HACE1: variants seen among roughly 807,000 people sequenced by gnomAD.
HACE1 encodes HECT domain and ankyrin repeat containing E3 ubiquitin protein ligase 1.
A neutral mutation model predicts 118.4 loss-of-function variants in HACE1; 73 were observed. The observed-to-expected ratio is 0.62, with a 90% CI of 0.51 to 0.75. HACE1 has a LOEUF of 0.75. Ranked by LOEUF, HACE1 falls within the 30% of genes least tolerant of loss-of-function variation. HACE1 has a pLI of 0.00. For synonymous variants in HACE1, 368 were observed against 374.8 expected (o/e 0.98, Z 0.21); for missense variants, 749 against 1,102.2 (o/e 0.68, Z 4.54).
chr6:104,839,435 A>G (rs879153784), intron 5 of HACE1, among the ~76,000 whole-genome samples: 1 of 152,228 alleles, frequency 6.6e-6, no homozygotes, highest in Admixed American at 6.5e-5. Context: ...GGTTCCATAC[A>G]ATATAGTTCT....
rs1369685298 is a variant in HACE1, at chr6:104,852,236, T to TGTGTGTGC, written c.131+80_131+81insGCACACAC. 1.2e-5 allele frequency: 8 copies of TGTGTGTGC among 673,350 alleles called. No homozygotes were observed. The African/African-American group carries it at 1.5e-4, about 13-fold the overall frequency. 41.7% of individuals were successfully genotyped at this position (673,350 alleles called of 1,614,324 possible). On this transcript the variant is annotated intron_variant, in intron 2 of 23. Transcript: ENST00000262903. The stretch of plus-strand genomic sequence containing the variant: ...GTGTGTGTGTGTGTGTGTGCGCGCG[T>TGTGTGTGC]GCGCGTGCACGGGCATGCAGTACAC...
At chr6:104,808,615 A>G (rs543783012) in intron 7 of HACE1, among the ~76,000 whole-genome samples, 3 of 148,524 alleles carry the variant, frequency 2.0e-5, no homozygotes, top group East Asian at 1.9e-4. Context: ...ATGATATAAT[A>G]TATTATATCT....
chr6:104,768,465 T>A (rs1349007107), intron 19 of HACE1, among the ~76,000 whole-genome samples: 3 of 152,146 alleles, frequency 2.0e-5, no homozygotes, highest in African/African-American at 7.2e-5. Flanking sequence ...ATCTTAACAA[T>A]TTTAAGCAAG....
chr6:104,739,613 C>A (rs1157925786), intron 22 of HACE1, among the ~76,000 whole-genome samples: 1 of 151,962 alleles, frequency 6.6e-6, no homozygotes. Context: ...ACAAGAAGAG[C>A]TAACTATCCT....
In HACE1 at chr6:104,830,739, C is replaced by A. The variant is rs184570290; in HGVS notation, c.534+2303G>T. On this transcript the variant is annotated intron_variant, in intron 6 of 23. Transcript: ENST00000262903. ...GTTTTGTTGTTGTTATTATGGTCAG[C>A]AAGAAAATAAATTACATTCTTTTTT... 5.1e-4 allele frequency among the ~76,000 whole-genome samples: 74 copies of A among 146,126 alleles called. 1 individual carries two copies. The highest frequency in any genetic ancestry group is 4.9e-3 in the Admixed American group (71 of 14,486).
At chr6:104,733,195 G>C (rs1332725075) in intron 22 of HACE1, among the ~76,000 whole-genome samples, 1 of 152,116 alleles carries the variant, frequency 6.6e-6, no homozygotes, top group East Asian at 1.9e-4. Flanking sequence ...TGTTGACATT[G>C]ATTTTTATAC....
At chr6:104,733,867 A>C (rs1159601946) in intron 22 of HACE1, among the ~76,000 whole-genome samples, 1 of 151,202 alleles carries the variant, frequency 6.6e-6, no homozygotes, top group Non-Finnish European at 1.5e-5. Flanking sequence ...AAAAAAAAGA[A>C]ATCAGCCGGA....
chr6:104,857,782 C>T (rs1177815263), intron 1 of HACE1, among the ~76,000 whole-genome samples: 1 of 151,822 alleles, frequency 6.6e-6, no homozygotes, highest in Non-Finnish European at 1.5e-5. Context: ...ACGGTGAAAC[C>T]CCGTCTCTAC....
intron 19 of HACE1, 26 bp downstream of exon 19, chr6:104,771,167 G>A (rs752662838): frequency 2.6e-6 from 4 of 1,533,378 alleles, no homozygotes; most frequent in Non-Finnish European, 3.6e-6. Flanking sequence ...ACAAACAATG[G>A]TTAAGGTAAA....
rs1368392410 is a variant in HACE1, at chr6:104,789,771, C to T, written c.1074+1733G>A. 3.3e-5 allele frequency among the ~76,000 whole-genome samples: 5 copies of T among 152,044 alleles called. No homozygotes were observed. The East Asian group carries it at 9.6e-4, about 29-fold the overall frequency. ...TCTATACCTGATTTGATTTTATATT[C>T]ATCATTACTGATGAGTAGAAAGTAT... On this transcript the variant is annotated intron_variant, in intron 11 of 23. Coordinates refer to ENST00000262903, the MANE Select transcript of HACE1 (RefSeq NM_020771.4).
intron 7 of HACE1, among the ~76,000 whole-genome samples, chr6:104,805,820 G>A (rs1187589042): frequency 2.6e-5 from 4 of 151,840 alleles, no homozygotes; most frequent in Admixed American, 6.6e-5. Flanking sequence ...AAACCCGCAC[G>A]TTGTGCACAT....
intron 19 of HACE1, among the ~76,000 whole-genome samples, chr6:104,751,867 ACT>A (rs1342779711): frequency 6.7e-6 from 1 of 149,408 alleles, no homozygotes; most frequent in African/African-American, 2.5e-5. Flanking sequence ...CAGGGAAGAA[ACT>A]CTGTTTTAGC....
At chr6:104,858,463 G>A in intron 1 of HACE1, 2 of 388,098 alleles carry the variant, frequency 5.2e-6, no homozygotes, top group Non-Finnish European at 1.0e-5. Flanking sequence ...CACTTTGGGG[G>A]GAGCAGGGTG....
chr6:104,813,575 T>C (rs1420159135), intron 6 of HACE1, among the ~76,000 whole-genome samples: 2 of 137,158 alleles, frequency 1.5e-5, no homozygotes, highest in Admixed American at 1.4e-4. Context: ...GGGATGCAGC[T>C]AAATATCCTA....
intron 22 of HACE1, chr6:104,730,672 T>G: frequency 2.3e-6 from 1 of 442,400 alleles, no homozygotes; most frequent in East Asian, 4.5e-5. Flanking sequence ...ACCTCAATAT[T>G]GCATTTAGTA....
At chr6:104,791,151 T>C (rs1289629446) in intron 11 of HACE1, among the ~76,000 whole-genome samples, 1 of 152,200 alleles carries the variant, frequency 6.6e-6, no homozygotes, top group East Asian at 1.9e-4. Context: ...AAACTGTGCA[T>C]TTTATTTCCT....
chr6:104,849,047 A>C (rs906540277), intron 4 of HACE1, 95 bp downstream of exon 4: 1 of 772,034 alleles, frequency 1.3e-6, no homozygotes, highest in Non-Finnish European at 2.4e-6. Flanking sequence ...CCCAAGGTAA[A>C]TATCAGGGAT....
chr6:104,733,875 G>A (rs1277572671), intron 22 of HACE1, among the ~76,000 whole-genome samples: 8 of 148,182 alleles, frequency 5.4e-5, no homozygotes, highest in South Asian at 2.2e-4. Context: ...GAAATCAGCC[G>A]GACACAGTGA....
At chr6:104,836,669 C>T (rs1192829088) in intron 5 of HACE1, among the ~76,000 whole-genome samples, 11 of 152,048 alleles carry the variant, frequency 7.2e-5, no homozygotes, top group African/African-American at 2.2e-4. Flanking sequence ...GCTGAGATTG[C>T]GCCACTGCAC....
Sources: gnomAD v4.1 joint callset for allele counts (sites outside exome capture counted in the v4.1 genomes callset) on GRCh38, gnomAD v4.1.1 for gene constraint, MANE v1.5 for transcripts, NCBI Gene and HGNC (gene_info 2026-07-23, HGNC 2026-07-21) for gene names.